The following KCNQ2 variants were observed in gnomAD, a reference collection of about 807,000 sequenced individuals.
KCNQ2 encodes the protein potassium voltage-gated channel subfamily Q member 2, also known as potassium voltage-gated channel subfamily KQT member 2.
Under a neutral mutation model 84.8 loss-of-function variants are expected in KCNQ2, and 14 were observed. That is an observed-to-expected ratio of 0.17 (90% CI 0.11 to 0.26). The LOEUF is 0.26. Ranked by LOEUF, KCNQ2 falls within the 10% of genes least tolerant of loss-of-function variation. The probability of loss-of-function intolerance (pLI) is 1.00; values close to 1 mark genes in which losing one functional copy is unlikely to be tolerated. For synonymous variants in KCNQ2, 599 were observed against 554.1 expected (o/e 1.08, Z -1.14); for missense variants, 788 against 1,254.0 (o/e 0.63, Z 5.61).
Position 63,442,481 on chromosome 20 carries a change from C to T in KCNQ2, c.741G>A (p.Ser247=), listed in dbSNP as rs184792288. 56 of 1,613,722 alleles carry T rather than the reference C, an allele frequency of 3.5e-5. No individual in the cohort carries two copies. In the Middle Eastern group the frequency reaches 6.6e-4, roughly 19 times the overall value. ...CCTTCTCTGCCAAGTACACCAGGAA[C>T]GAGGCCAGGATGAGACAAAGGAAGC... is the stretch of plus-strand genomic sequence containing the variant. ...YIGFLCLILA[S]FLVYLAEKGE... The change falls in exon 5 of 17, where the codon TCG becomes TCA. Residue 247 remains serine (S), a synonymous_variant. Transcript: ENST00000359125.
At chr20:63,434,999 TGAG>T (rs2080950320) in intron 7 of KCNQ2, among the ~76,000 whole-genome samples, 1 of 152,218 alleles carries the variant, frequency 6.6e-6, no homozygotes, top group Non-Finnish European at 1.5e-5. Flanking sequence ...ACGAACTTTC[TGAG>T]AAACAACCGA....
chr20:63,463,055 CTGTGTG>C (rs10532345), intron 1 of KCNQ2, among the ~76,000 whole-genome samples: 27,141 of 147,912 alleles, frequency 0.18, 2,962 homozygotes, highest in Non-Finnish European at 0.25. Flanking sequence ...GGTGTCTTTT[CTGTGTG>C]TGTGTGTGTG....
chr20:63,461,579 C>T (rs868818752), intron 1 of KCNQ2, among the ~76,000 whole-genome samples: 3 of 152,164 alleles, frequency 2.0e-5, no homozygotes, highest in African/African-American at 4.8e-5. Flanking sequence ...CCCCGGGGGC[C>T]GGCCCTCCTC....
In KCNQ2 at chr20:63,406,831, T is replaced by C. The variant is rs1279031692; in HGVS notation, c.2432A>G (p.Lys811Arg). 3.7e-6 allele frequency: 6 copies of C among 1,612,416 alleles called. No homozygotes were observed. The highest frequency in any genetic ancestry group is 1.1e-5 in the South Asian group (1 of 91,028). ...GCTGTTGAGAGCATCCAGGTTCTCC[T>C]TGGACTGGGAGATGCTGAAGCCGCT... is the stretch of plus-strand genomic sequence containing the variant. ...SFSGFSISQS[K>R]ENLDALNSCY... The change falls in exon 17 of 17, where the codon AAG becomes AGG. Residue 811 changes from lysine to arginine, a missense_variant. Lys to Arg is a conservative substitution (Grantham distance 26). Around this residue, in one of 8 missense-constraint regions of KCNQ2, gnomAD observed 378 missense variants for 434.5 expected, o/e 0.87. Transcript: ENST00000359125.
rs1309453010 is a variant in KCNQ2 at position 63,404,861 on chromosome 20, G to C, written c.*1783C>G. ...GAGGCCTCCCAGTTGGCACCTTTTT[G>C]GGACAGGCTCCAGCACAGGGAGGGG... On this transcript the variant is annotated 3_prime_UTR_variant, in exon 17 of 17. Transcript: ENST00000359125. 1 of 152,280 alleles carries C rather than the reference G, an allele frequency of 6.6e-6. No homozygotes were observed. Among genetic ancestry groups the C allele is most frequent in the Non-Finnish European group, 1.5e-5 (1 of 68,098 alleles). 9.4% of individuals were successfully genotyped at this position (152,280 alleles called of 1,614,324 possible).
chr20:63,453,975 T>TA (rs1227353138), intron 1 of KCNQ2, among the ~76,000 whole-genome samples: 4 of 151,436 alleles, frequency 2.6e-5, no homozygotes, highest in Admixed American at 2.6e-4. Context: ...TCCTCTAAAC[T>TA]AAAAAAAACG....
chr20:63,467,841 C>G (rs2082118358), intron 1 of KCNQ2, among the ~76,000 whole-genome samples: 1 of 152,160 alleles, frequency 6.6e-6, no homozygotes. Flanking sequence ...TCCTTAGTGC[C>G]CAGCAGTGCC....
intron 8 of KCNQ2, among the ~76,000 whole-genome samples, chr20:63,432,505 G>A (rs1267985810): frequency 2.7e-5 from 4 of 146,166 alleles, no homozygotes; most frequent in Non-Finnish European, 6.0e-5. Context: ...TCCACCCTCA[G>A]GGAAGGATCC....
rs568802884 is a variant in KCNQ2, at chr20:63,414,282, G to A, written c.1526-89C>T. On this transcript the variant is annotated intron_variant, in intron 13 of 16. Transcript: ENST00000359125. This position sits in a 1 kb window ranked among gnomAD's most constrained non-coding sequence, Gnocchi z 6.6. ...GCAGGGCACACCGGCTAGACAGAGC[G>A]CCAGGGAGCCCCTCGAGGCTCCCTG... is the stretch of plus-strand genomic sequence containing the variant. The A allele has an allele frequency of 1.2e-3, 1,177 of 962,914 alleles. No individual in the cohort carries two copies. The highest frequency in any genetic ancestry group is 1.6e-3 in the Non-Finnish European group (943 of 604,598). 59.6% of individuals were successfully genotyped at this position (962,914 alleles called of 1,614,324 possible).
chr20:63,434,669 C>T (rs2080935780), intron 7 of KCNQ2: 1 of 152,220 alleles, frequency 6.6e-6, no homozygotes, highest in Admixed American at 6.5e-5. Flanking sequence ...TTCCCCGCCC[C>T]GGGCATTTCC....
chr20:63,443,343 TCAC>T (rs1568937312), intron 4 of KCNQ2, among the ~76,000 whole-genome samples: 313 of 7,232 alleles, frequency 0.043, 3 homozygotes, highest in East Asian at 0.14. Context: ...ATCACCACCA[TCAC>T]CACCACCACC....
At chr20:63,430,717 C>T (rs1600720875) in intron 9 of KCNQ2, among the ~76,000 whole-genome samples, 1 of 152,288 alleles carries the variant, frequency 6.6e-6, no homozygotes, top group African/African-American at 2.4e-5. Context: ...AGGGGTGGGA[C>T]GGCCTGGAGC....
rs761486595 is a variant in KCNQ2, at chr20:63,444,812, G to A, written c.537C>T (p.Ser179=). 47 of 1,605,868 alleles carry A rather than the reference G, an allele frequency of 2.9e-5. No individual in the cohort carries two copies. In the South Asian group the frequency reaches 4.3e-4, roughly 15 times the overall value. The change falls in exon 4 of 17, where the codon TCC becomes TCT. Residue 179 remains serine (S), a synonymous_variant. Transcript: ENST00000359125. The part of the protein sequence containing the change: ...CVIDIMVLIA[S]IAVLAAGSQG... ...GGGAGCCGGCGGCCAGCACCGCAAT[G>A]GAGGCGATGAGCACCATGATGTCTA...
chr20:63,468,515 G>A (rs1266629175), intron 1 of KCNQ2, among the ~76,000 whole-genome samples: 5 of 152,182 alleles, frequency 3.3e-5, no homozygotes, highest in East Asian at 1.9e-4. Context: ...GAGGCCCAGC[G>A]GCCTGTGCTC....
At chr20:63,455,103 G>A (rs990706506) in intron 1 of KCNQ2, among the ~76,000 whole-genome samples, 13 of 152,192 alleles carry the variant, frequency 8.5e-5, no homozygotes, top group African/African-American at 1.4e-4. Flanking sequence ...GGGGGAGGAT[G>A]AGGGGAGGAC....
At position 63,446,772 on chromosome 20, in the gene KCNQ2, C is replaced by T; in HGVS notation, c.362G>A (p.Ser121Asn). The T allele has an allele frequency of 6.2e-7, 1 of 1,613,492 alleles. No individual in the cohort carries two copies. Among genetic ancestry groups the T allele is most frequent in the Non-Finnish European group, 8.5e-7 (1 of 1,179,944 alleles). ...VFSTIKEYEK[S>N]SEGALYILEI... Reference sequence around the variant, plus strand: ...CAGGATGTAGAGGGCCCCCTCCGAGCTCTTCTCATACTCCTTGATGGTGGA... The same window carrying T: ...CAGGATGTAGAGGGCCCCCTCCGAGTTCTTCTCATACTCCTTGATGGTGGA... The change falls in exon 2 of 17, where the codon AGC (serine) becomes AAC (asparagine). Residue 121 changes from serine to asparagine, a missense_variant. Around this residue, in one of 8 missense-constraint regions of KCNQ2, gnomAD observed 106 missense variants for 214.8 expected, o/e 0.49. Coordinates refer to ENST00000359125, the MANE Select transcript of KCNQ2 (RefSeq NM_172107.4). This position sits in a 1 kb window ranked among gnomAD's most constrained non-coding sequence, Gnocchi z 5.5.
intron 4 of KCNQ2, among the ~76,000 whole-genome samples, chr20:63,443,287 C>G (rs2081294729): frequency 9.1e-6 from 1 of 109,900 alleles, no homozygotes; most frequent in Admixed American, 8.3e-5. Context: ...TCACCATCAC[C>G]ATCATCACCA....
chr20:63,431,234 G>A (rs2080777207), intron 9 of KCNQ2, 106 bp downstream of exon 9: 1 of 1,289,762 alleles, frequency 7.8e-7, no homozygotes, highest in South Asian at 1.2e-5. Flanking sequence ...TGGTCACTCT[G>A]CAGACCGGGT....
intron 15 of KCNQ2, chr20:63,411,638 C>T (rs1332949149): frequency 2.1e-6 from 1 of 468,724 alleles, no homozygotes; most frequent in African/African-American, 2.1e-5. Flanking sequence ...CCTCTTGTGG[C>T]TTTTTCAGGA....
Sources: allele counts gnomAD v4.1 joint callset (sites outside exome capture counted in the v4.1 genomes callset), GRCh38; gene constraint gnomAD v4.1.1; regional missense constraint gnomAD v4.1.1; non-coding constraint Gnocchi (gnomAD v3.1); transcripts MANE v1.5; gene names NCBI Gene and HGNC (gene_info 2026-07-23, HGNC 2026-07-21).